Variants in PRDM16 observed in about 807,000 individuals in gnomAD.
PRDM16 encodes the protein PR/SET domain 16, also known as histone-lysine N-methyltransferase PRDM16.
A neutral mutation model predicts 110.6 loss-of-function variants in PRDM16; 23 were observed. That is an observed-to-expected ratio of 0.21 (90% CI 0.15 to 0.29). The LOEUF is 0.29. PRDM16 is among the 10% of genes least tolerant of loss of function. PRDM16 has a pLI of 1.00. For synonymous variants in PRDM16, 799 were observed against 781.8 expected, an observed-to-expected ratio of 1.02 and a Z score of -0.37; for missense variants, 1,615 against 1,794.3, an observed-to-expected ratio of 0.90 and a Z score of 1.81.
chr1:3,418,429 G>T (rs1638330959), intron 11 of PRDM16, among the ~76,000 whole-genome samples: 1 of 152,196 alleles, frequency 6.6e-6, no homozygotes, highest in African/African-American at 2.4e-5. Context: ...AGACTGAGGG[G>T]CCGAGACGCT....
At chr1:3,181,714 A>G (rs202236631) in intron 1 of PRDM16, among the ~76,000 whole-genome samples, 2 of 121,830 alleles carry the variant, frequency 1.6e-5, no homozygotes, top group Admixed American at 8.2e-5. Flanking sequence ...GGTCTTACAC[A>G]CGCAGTCTTA....
chr1:3,333,795 G>A (rs960228040), intron 3 of PRDM16, among the ~76,000 whole-genome samples: 4 of 152,138 alleles, frequency 2.6e-5, no homozygotes, highest in Admixed American at 6.5e-5. Flanking sequence ...GTCCCCCCTC[G>A]GTTAGCTCAT....
intron 1 of PRDM16, among the ~76,000 whole-genome samples, chr1:3,164,514 C>T (rs1056142649): frequency 3.3e-5 from 5 of 152,192 alleles, no homozygotes; most frequent in African/African-American, 1.2e-4. Flanking sequence ...AACCTGCACC[C>T]GGCCTCCCTT....
intron 3 of PRDM16, among the ~76,000 whole-genome samples, chr1:3,277,759 A>ACACGCGCGCG (rs1557576380): frequency 7.3e-6 from 1 of 136,364 alleles, no homozygotes; most frequent in African/African-American, 3.4e-5. Flanking sequence ...ACACACATGC[A>ACACGCGCGCG]CACACGCGCA....
rs1425926694 is a variant in PRDM16, at chr1:3,209,458, C to T, written c.387+22984C>T. 6.6e-6 allele frequency among the ~76,000 whole-genome samples: 1 copy of T among 152,174 alleles called. No homozygotes were observed. The highest frequency in any genetic ancestry group is 6.5e-5 in the Admixed American group (1 of 15,282). On this transcript the variant is annotated intron_variant, in intron 2 of 16. Coordinates refer to ENST00000270722, the MANE Select transcript of PRDM16 (RefSeq NM_022114.4). This position sits in a 1 kb window ranked among gnomAD's most constrained non-coding sequence, Gnocchi z 4.6. ...GAGGCCTGTGAAGGTCGCGTGAATG[C>T]CTGTGTCCCCCGGGACAGCCAGGGA...
rs1642221065 is a variant in PRDM16 at position 3,339,165 on chromosome 1, G to A, written c.439-45987G>A. Among the ~76,000 whole-genome samples, 1 of 152,160 alleles carries A rather than the reference G, an allele frequency of 6.6e-6. No individual in the cohort carries two copies. The highest frequency in any genetic ancestry group is 2.4e-5 in the African/African-American group (1 of 41,442). ...GAGGCATCTCCTGCTCTCTCCTTCTGGAGGGCAGCTTCCTGGCCACCCTCA... is the reference window on the plus strand; with the variant it reads ...GAGGCATCTCCTGCTCTCTCCTTCTAGAGGGCAGCTTCCTGGCCACCCTCA... On this transcript the variant is annotated intron_variant, in intron 3 of 16. Coordinates refer to ENST00000270722, the MANE Select transcript of PRDM16 (RefSeq NM_022114.4). This position sits in a 1 kb window ranked among gnomAD's most constrained non-coding sequence, Gnocchi z 5.0.
chr1:3,307,296 G>T (rs890108532), intron 3 of PRDM16: 23 of 152,178 alleles, frequency 1.5e-4, no homozygotes, highest in African/African-American at 5.1e-4. Context: ...CCCACCAGCA[G>T]TGTCTGGCAG....
rs1450635129 is a variant in PRDM16 at position 3,244,741 on chromosome 1, C to A, written c.438+604C>A. Among the ~76,000 whole-genome samples, 1 of 152,106 alleles carries A rather than the reference C, an allele frequency of 6.6e-6. No homozygotes were observed. The highest frequency in any genetic ancestry group is 1.5e-5 in the Non-Finnish European group (1 of 68,018). On this transcript the variant is annotated intron_variant, in intron 3 of 16. Coordinates refer to ENST00000270722, the MANE Select transcript of PRDM16 (RefSeq NM_022114.4). This position sits in a 1 kb window ranked among gnomAD's most constrained non-coding sequence, Gnocchi z 4.1. Reference sequence around the variant, plus strand: ...GAGAAACACACAGGCCCTGGGGAGGCACACACATAGTCACATGTGTGCCTG... The same window carrying A: ...GAGAAACACACAGGCCCTGGGGAGGAACACACATAGTCACATGTGTGCCTG...
chr1:3,332,788 C>T (rs1002907371), intron 3 of PRDM16, among the ~76,000 whole-genome samples: 5 of 151,930 alleles, frequency 3.3e-5, no homozygotes, highest in Admixed American at 6.6e-5. Flanking sequence ...CTCCTCCGCC[C>T]ATCCCCCCAG....
chr1:3,274,084 A>G (rs1640528955), intron 3 of PRDM16, among the ~76,000 whole-genome samples: 1 of 152,176 alleles, frequency 6.6e-6, no homozygotes, highest in South Asian at 2.1e-4. Context: ...ATTAAATAGA[A>G]AGTCCCTAAG....
chr1:3,299,274 C>A (rs1641158232), intron 3 of PRDM16, among the ~76,000 whole-genome samples: 1 of 149,644 alleles, frequency 6.7e-6, no homozygotes, highest in Non-Finnish European at 1.5e-5. Flanking sequence ...TGGCTCTGCC[C>A]TTGTTGAAGA....
intron 1 of PRDM16, among the ~76,000 whole-genome samples, chr1:3,164,637 T>C (rs1643930032): frequency 6.6e-6 from 1 of 152,120 alleles, no homozygotes; most frequent in African/African-American, 2.4e-5. Flanking sequence ...GTGTGAGGGA[T>C]TGCTCACTAA....
Position 3,265,892 on chromosome 1 carries a change from CTCCGCACTGCTCCCCAGGGT to C in PRDM16, c.438+21759_438+21778del, listed in dbSNP as rs796283578. Reference sequence around the variant, plus strand: ...TACGGTCGTGCAGTGCTCCCCAGGGCTCCGCACTGCTCCCCAGGGTTCCTTGGTGCGTGTCTCATAAAGCC... The same window carrying C: ...TACGGTCGTGCAGTGCTCCCCAGGGCTCCTTGGTGCGTGTCTCATAAAGCC... On this transcript the variant is annotated intron_variant, in intron 3 of 16. Coordinates refer to ENST00000270722, the MANE Select transcript of PRDM16 (RefSeq NM_022114.4). The surrounding 1 kb of genome is among the most constrained non-coding windows in gnomAD (Gnocchi z 4.5). Among the ~76,000 whole-genome samples the C allele has an allele frequency of 1.1e-4, 16 of 152,200 alleles. No individual in the cohort carries two copies. The highest frequency in any genetic ancestry group is 3.9e-4 in the African/African-American group (16 of 41,526).
chr1:3,276,015 C>T (rs1166229358), intron 3 of PRDM16, among the ~76,000 whole-genome samples: 38 of 152,228 alleles, frequency 2.5e-4, no homozygotes. Flanking sequence ...TCTCTCACGC[C>T]GTGGGTGCCA....
intron 3 of PRDM16, among the ~76,000 whole-genome samples, chr1:3,360,607 G>C: frequency 6.6e-6 from 1 of 152,226 alleles, no homozygotes; most frequent in East Asian, 1.9e-4. Flanking sequence ...GCTCACAGCA[G>C]AGGAGGAGGG....
Position 3,434,813 on chromosome 1 carries a change from C to T in PRDM16, c.*1002C>T, listed in dbSNP as rs555290984. On this transcript the variant is annotated 3_prime_UTR_variant, in exon 17 of 17. Coordinates refer to ENST00000270722, the MANE Select transcript of PRDM16 (RefSeq NM_022114.4). ...CTCTGTCCCTGCCTCGGCCACCCCA[C>T]GCGGGAACCCAGCGCCGTCCTCTGA... 1.2e-4 allele frequency: 29 copies of T among 232,138 alleles called. No individual in the cohort carries two copies. Among genetic ancestry groups the T allele is most frequent in the Non-Finnish European group, 2.2e-4 (26 of 117,306 alleles). The allele number at this position is 232,138 out of a possible 1,614,324, so 14.4% of individuals were successfully genotyped here. A position where few individuals can be genotyped will look rare whatever the true frequency, so the allele number is the denominator to read the frequency against.
intron 3 of PRDM16, among the ~76,000 whole-genome samples, chr1:3,326,366 C>G (rs1641909957): frequency 6.6e-6 from 1 of 152,220 alleles, no homozygotes; most frequent in Non-Finnish European, 1.5e-5. Context: ...TTTGCATCTG[C>G]AAAGATGCTT....
intron 2 of PRDM16, chr1:3,207,718 C>T (rs982289898): frequency 3.3e-5 from 5 of 152,282 alleles, no homozygotes; most frequent in African/African-American, 1.2e-4. Flanking sequence ...CAGAATGAGG[C>T]AGGATTCTCC....
chr1:3,114,862 G>T (rs899248356), intron 1 of PRDM16, among the ~76,000 whole-genome samples: 3 of 152,268 alleles, frequency 2.0e-5, no homozygotes, highest in Non-Finnish European at 2.9e-5. Context: ...GTTGTGGGAA[G>T]GGGAGGAAGA....
Sources: gnomAD v4.1 joint callset for allele counts (sites outside exome capture counted in the v4.1 genomes callset) on GRCh38, gnomAD v4.1.1 for gene constraint, Gnocchi (gnomAD v3.1) non-coding constraint, MANE v1.5 for transcripts, NCBI Gene and HGNC (gene_info 2026-07-23, HGNC 2026-07-21) for gene names.